Variants in CCDC178 observed in about 807,000 individuals in gnomAD.
CCDC178 encodes the protein coiled-coil domain containing 178, also known as coiled-coil domain-containing protein 178.
Under a neutral mutation model 117.4 loss-of-function variants are expected in CCDC178, and 126 were observed. That is an observed-to-expected ratio of 1.07 (90% CI 0.93 to 1.24). The LOEUF is 1.24. Ranked by LOEUF, CCDC178 falls within the 50% of genes most tolerant of loss-of-function variation. CCDC178 has a pLI of 0.00. For missense variants in CCDC178, 1,030 were observed against 986.9 expected (o/e 1.04, Z -0.59); for synonymous variants, 283 against 313.4 (o/e 0.90, Z 1.02).
intron 20 of CCDC178, among the ~76,000 whole-genome samples, chr18:33,094,528 T>C (rs533896117): frequency 2.0e-5 from 3 of 152,016 alleles, no homozygotes; most frequent in African/African-American, 4.8e-5. Context: ...ATCTGAGACA[T>C]CCTACTTCTC....
chr18:33,088,467 T>C (rs1046195220), intron 21 of CCDC178, among the ~76,000 whole-genome samples: 11 of 149,578 alleles, frequency 7.4e-5, no homozygotes, highest in Non-Finnish European at 1.2e-4. Context: ...ATTTCTTTCA[T>C]TCATTTTGTG....
At chr18:33,329,766 T>C (rs1240671048) in intron 10 of CCDC178, among the ~76,000 whole-genome samples, 6 of 152,132 alleles carry the variant, frequency 3.9e-5, no homozygotes, top group Non-Finnish European at 7.4e-5. Flanking sequence ...CCTTGTGATA[T>C]ATTTATCAGG....
intron 2 of CCDC178, among the ~76,000 whole-genome samples, chr18:33,414,399 A>G (rs2063903424): frequency 6.6e-6 from 1 of 152,198 alleles, no homozygotes. Flanking sequence ...AACACCACAC[A>G]TCTACAACCA....
At chr18:33,128,560 C>T (rs1051196647) in intron 20 of CCDC178, among the ~76,000 whole-genome samples, 3 of 152,134 alleles carry the variant, frequency 2.0e-5, no homozygotes, top group African/African-American at 7.2e-5. Context: ...GATGAATCAA[C>T]CAAGAATCTG....
intron 22 of CCDC178, among the ~76,000 whole-genome samples, chr18:32,949,586 G>T (rs957371277): frequency 2.0e-5 from 3 of 151,966 alleles, no homozygotes; most frequent in African/African-American, 7.3e-5. Flanking sequence ...GTTCAATTGG[G>T]TCCTTTTTAT....
intron 21 of CCDC178, among the ~76,000 whole-genome samples, chr18:32,993,193 C>A (rs1339770440): frequency 1.3e-5 from 2 of 152,040 alleles, no homozygotes; most frequent in Admixed American, 1.3e-4. Flanking sequence ...GGATTTTGTT[C>A]TTCTGAGGTA....
intron 21 of CCDC178, among the ~76,000 whole-genome samples, chr18:33,026,608 TA>T (rs1449122501): frequency 1.3e-5 from 2 of 151,896 alleles, no homozygotes; most frequent in Admixed American, 1.3e-4. Flanking sequence ...TTGAAAATCT[TA>T]AAAACAGCCA....
intron 20 of CCDC178, among the ~76,000 whole-genome samples, chr18:33,166,913 G>A (rs1401809260): frequency 6.6e-6 from 1 of 152,022 alleles, no homozygotes; most frequent in Non-Finnish European, 1.5e-5. Flanking sequence ...GTAATTTTTC[G>A]ATCCTCACCC....
chr18:33,275,656 G>A (rs1599088790), intron 12 of CCDC178, among the ~76,000 whole-genome samples: 1 of 110,326 alleles, frequency 9.1e-6, no homozygotes, highest in Non-Finnish European at 1.9e-5. Context: ...GGAAAGGGGA[G>A]GGGAGGGGGG....
At chr18:33,126,997 A>AAATATATAT (rs71266914) in intron 20 of CCDC178, among the ~76,000 whole-genome samples, 4 of 141,184 alleles carry the variant, frequency 2.8e-5, no homozygotes, top group African/African-American at 1.1e-4. Flanking sequence ...AAAAAAAAAA[A>AAATATATAT]ATATATATAT....
intron 4 of CCDC178, among the ~76,000 whole-genome samples, 153 bp downstream of exon 4, chr18:33,396,996 T>C (rs1440983474): frequency 6.6e-6 from 1 of 152,186 alleles, no homozygotes; most frequent in African/African-American, 2.4e-5. Flanking sequence ...AGTATTTTTT[T>C]AAAGAAGCGT....
chr18:33,342,834 T>C (rs1302343808), intron 9 of CCDC178, among the ~76,000 whole-genome samples: 1 of 152,194 alleles, frequency 6.6e-6, no homozygotes, highest in African/African-American at 2.4e-5. Flanking sequence ...AATAACTGAA[T>C]AACTGAATAA....
At chr18:32,956,303 T>C (rs551157748) in intron 22 of CCDC178, among the ~76,000 whole-genome samples, 1 of 152,304 alleles carries the variant, frequency 6.6e-6, no homozygotes, top group East Asian at 1.9e-4. Flanking sequence ...AACTAATTAT[T>C]TATTTATTTT....
intron 20 of CCDC178, among the ~76,000 whole-genome samples, chr18:33,118,771 T>C (rs866829540): frequency 5.3e-5 from 8 of 152,110 alleles, no homozygotes; most frequent in Non-Finnish European, 1.0e-4. Flanking sequence ...GAAGGCATCA[T>C]GCTACCTGAC....
chr18:32,988,363 G>T (rs1380653788), intron 21 of CCDC178, among the ~76,000 whole-genome samples: 1 of 151,994 alleles, frequency 6.6e-6, no homozygotes, highest in East Asian at 1.9e-4. Context: ...TTGAACCCAG[G>T]AGGCGGAGGT....
intron 8 of CCDC178, among the ~76,000 whole-genome samples, chr18:33,347,787 A>T (rs1246438883): frequency 5.3e-5 from 8 of 152,074 alleles, no homozygotes; most frequent in Admixed American, 3.3e-4. Context: ...ATACTATTTC[A>T]ATAATAAATT....
At chr18:33,119,426 A>G (rs530572948) in intron 20 of CCDC178, among the ~76,000 whole-genome samples, 3 of 152,364 alleles carry the variant, frequency 2.0e-5, no homozygotes, top group South Asian at 4.1e-4. Flanking sequence ...CAACAGACAC[A>G]TGAAAAAATG....
chr18:32,957,040 C>T (rs960538435), intron 22 of CCDC178, among the ~76,000 whole-genome samples: 6 of 152,182 alleles, frequency 3.9e-5, no homozygotes, highest in African/African-American at 1.2e-4. Flanking sequence ...GATAACATTT[C>T]ATAATCCAAC....
At position 33,219,354 on chromosome 18, in the gene CCDC178, G is replaced by T. The variant is rs565113608; in HGVS notation, c.1933-3659C>A. On this transcript the variant is annotated intron_variant, in intron 18 of 22. Transcript: ENST00000383096. ...GACTGTAAACTAGTTCAACCATTGT[G>T]GAAGACAGTGTGGCAATTCCTCAAG... Among the ~76,000 whole-genome samples, 434 of 152,248 alleles carry T rather than the reference G, an allele frequency of 2.9e-3. 2 individuals carry two copies. Among genetic ancestry groups the T allele is most frequent in the Non-Finnish European group, 4.9e-3 (331 of 68,012 alleles).
Sources: gnomAD v4.1 joint callset for allele counts (sites outside exome capture counted in the v4.1 genomes callset) on GRCh38, gnomAD v4.1.1 for gene constraint, MANE v1.5 for transcripts, NCBI Gene and HGNC (gene_info 2026-07-23, HGNC 2026-07-21) for gene names.